CPNE4: variants seen among roughly 807,000 people sequenced by gnomAD.
CPNE4 encodes copine-4.
In CPNE4, 25 loss-of-function variants were observed where a neutral mutation model predicts 67.9. The observed-to-expected ratio is 0.37, with a 90% CI of 0.27 to 0.51. The LOEUF is 0.51. Ranked by LOEUF, CPNE4 falls within the 20% of genes least tolerant of loss-of-function variation. The pLI, the probability that CPNE4 is intolerant of heterozygous loss-of-function variation, is 0.93. For missense variants in CPNE4, 464 were observed against 690.8 expected, an observed-to-expected ratio of 0.67 and a Z score of 3.68; for synonymous variants, 242 against 244.9, an observed-to-expected ratio of 0.99 and a Z score of 0.11.
At chr3:131,577,201 T>C (rs115676174) in intron 9 of CPNE4, among the ~76,000 whole-genome samples, 1 of 152,162 alleles carries the variant, frequency 6.6e-6, no homozygotes, top group Non-Finnish European at 1.5e-5. Flanking sequence ...TATCTTGTTA[T>C]GTAAGGATAT....
At chr3:131,990,790 C>A (rs923448538) in intron 1 of CPNE4, among the ~76,000 whole-genome samples, 1 of 135,192 alleles carries the variant, frequency 7.4e-6, no homozygotes, top group South Asian at 2.6e-4. Context: ...TGGCTGTGTC[C>A]CCACCCAAAT....
intron 3 of CPNE4, among the ~76,000 whole-genome samples, chr3:131,713,903 A>G (rs1443870507): frequency 6.6e-6 from 1 of 152,170 alleles, no homozygotes; most frequent in East Asian, 1.9e-4. Context: ...CAGTAAAAAA[A>G]AAAATGGCAC....
intron 1 of CPNE4, among the ~76,000 whole-genome samples, chr3:131,994,878 C>T (rs7622767): frequency 0.94 from 142,968 of 152,326 alleles, 67,219 homozygotes; most frequent in African/African-American, 0.98. Context: ...TACTTTTTTC[C>T]TTTTAGAGAC....
At chr3:131,844,820 C>T (rs2085934831) in intron 2 of CPNE4, among the ~76,000 whole-genome samples, 1 of 152,142 alleles carries the variant, frequency 6.6e-6, no homozygotes, top group African/African-American at 2.4e-5. Flanking sequence ...ATTGCATCTT[C>T]CTTAGCCTCA....
At chr3:131,941,008 A>T (rs2071369034) in intron 1 of CPNE4, among the ~76,000 whole-genome samples, 1 of 152,104 alleles carries the variant, frequency 6.6e-6, no homozygotes, top group Non-Finnish European at 1.5e-5. Context: ...AAATAAGAGG[A>T]AACAAAATGA....
chr3:131,842,000 C>T (rs988534761), intron 2 of CPNE4, among the ~76,000 whole-genome samples: 6 of 152,148 alleles, frequency 3.9e-5, no homozygotes, highest in African/African-American at 9.7e-5. Context: ...TGCCCTCTGC[C>T]TCCTTCTTTA....
intron 8 of CPNE4, 44 bp downstream of exon 8, chr3:131,587,440 A>T (rs745808861): frequency 8.0e-7 from 1 of 1,249,012 alleles, no homozygotes; most frequent in South Asian, 1.2e-5. Flanking sequence ...CTAAGGATGC[A>T]TCATACCGAC....
chr3:131,850,120 C>A (rs2107641758), intron 2 of CPNE4, among the ~76,000 whole-genome samples: 1 of 152,196 alleles, frequency 6.6e-6, no homozygotes, highest in South Asian at 2.1e-4. Flanking sequence ...TCCATCATTT[C>A]CATTTCTCTG....
intron 2 of CPNE4, among the ~76,000 whole-genome samples, chr3:131,903,299 A>G (rs1362676384): frequency 6.6e-6 from 1 of 152,100 alleles, no homozygotes; most frequent in African/African-American, 2.4e-5. Flanking sequence ...TTTTCTTAGA[A>G]TAAGAACTGC....
intron 2 of CPNE4, among the ~76,000 whole-genome samples, chr3:131,886,955 T>A (rs1011877440): frequency 2.6e-5 from 4 of 152,208 alleles, no homozygotes; most frequent in Non-Finnish European, 4.4e-5. Context: ...GACTTTTAGT[T>A]AATGCTGAAA....
intron 3 of CPNE4, among the ~76,000 whole-genome samples, chr3:131,701,611 T>C (rs1272876506): frequency 1.3e-5 from 2 of 152,158 alleles, no homozygotes; most frequent in African/African-American, 2.4e-5. Context: ...AGACAGACCA[T>C]GTGGCAAGAA....
intron 1 of CPNE4, among the ~76,000 whole-genome samples, chr3:132,027,907 A>G (rs942844443): frequency 6.6e-6 from 1 of 152,192 alleles, no homozygotes; most frequent in Non-Finnish European, 1.5e-5. Flanking sequence ...TATGAAATAC[A>G]CCTTTCAATA....
intron 15 of CPNE4, 48 bp downstream of exon 15, chr3:131,542,509 T>G: frequency 7.7e-7 from 1 of 1,306,046 alleles, no homozygotes; most frequent in South Asian, 1.2e-5. Context: ...GTGAGCATGC[T>G]TTGGTTCTGC....
At chr3:131,852,868 A>G (rs2086290467) in intron 2 of CPNE4, among the ~76,000 whole-genome samples, 1 of 151,478 alleles carries the variant, frequency 6.6e-6, no homozygotes, top group Non-Finnish European at 1.5e-5. Flanking sequence ...ATAATTTAAA[A>G]TAAAAATAAA....
At chr3:131,780,607 G>A (rs971751242) in intron 2 of CPNE4, among the ~76,000 whole-genome samples, 10 of 151,996 alleles carry the variant, frequency 6.6e-5, no homozygotes, top group African/African-American at 2.4e-4. Flanking sequence ...TTATAAGTGG[G>A]AGCTAAACAC....
intron 1 of CPNE4, among the ~76,000 whole-genome samples, chr3:131,952,460 CG>C (rs2071775761): frequency 1.0e-5 from 1 of 96,464 alleles, no homozygotes; most frequent in Non-Finnish European, 2.8e-5. Context: ...CCACCCCGTC[CG>C]GGAGGGAGGT....
chr3:132,020,743 A>G (rs1203389509), intron 1 of CPNE4, among the ~76,000 whole-genome samples: 1 of 152,194 alleles, frequency 6.6e-6, no homozygotes, highest in African/African-American at 2.4e-5. Context: ...ATTTTCACCT[A>G]TGATTTTGGT....
chr3:131,563,691 C>T lies in CPNE4; in HGVS notation c.1061+525G>A, dbSNP rs1232359157. ...CAGGCTAAGCTGTGGAGTGGGTAGA[C>T]CTGGGCTCAAGTCCTGCCTCTGGCT... On this transcript the variant is annotated intron_variant, in intron 11 of 15. Coordinates refer to ENST00000429747, the MANE Select transcript of CPNE4 (RefSeq NM_130808.3). 2.0e-5 allele frequency among the ~76,000 whole-genome samples: 3 copies of T among 152,086 alleles called. No homozygotes were observed. In the East Asian group the frequency reaches 5.8e-4, roughly 29 times the overall value.
intron 1 of CPNE4, among the ~76,000 whole-genome samples, chr3:131,938,913 A>G (rs1287488773): frequency 6.6e-6 from 1 of 152,164 alleles, no homozygotes; most frequent in Non-Finnish European, 1.5e-5. Context: ...ACTTTGTAGC[A>G]TATTATTAAA....
Sources: allele counts gnomAD v4.1 joint callset (sites outside exome capture counted in the v4.1 genomes callset), GRCh38; gene constraint gnomAD v4.1.1; transcripts MANE v1.5; gene names NCBI Gene and HGNC (gene_info 2026-07-23, HGNC 2026-07-21).